The following HSD17B10 variants were observed in gnomAD, a reference collection of about 807,000 sequenced individuals.
The protein encoded by HSD17B10 is 3-hydroxyacyl-CoA dehydrogenase type-2.
For missense variants in HSD17B10, 87 were observed against 219.4 expected (o/e 0.40, Z 3.81); for synonymous variants, 90 against 85.9 (o/e 1.05, Z -0.26).
chrX:53,432,373 T>C lies in HSD17B10; in HGVS notation c.231A>G (p.Leu77=). The change falls in exon 3 of 6, where the codon CTA becomes CTG. Residue 77 remains leucine (L), a synonymous_variant. Transcript: ENST00000168216. ...SEKDVQTALA[L]AKGKFGRVDV... The stretch of plus-strand genomic sequence containing the variant: ...CCACACGGCCAAACTTTCCTTTTGC[T>C]AGAGCCAGAGCTGTTTGCACATCCT... 1.7e-6 allele frequency: 2 copies of C among 1,210,224 alleles called. No homozygotes were observed. Among genetic ancestry groups the C allele is most frequent in the Non-Finnish European group, 1.1e-6 (1 of 894,740 alleles).
intron 1 of HSD17B10, 193 bp downstream of exon 1, chrX:53,434,114 TGATAGATAGATA>T (rs781798782): frequency 1.8e-6 from 1 of 560,118 alleles, no homozygotes; most frequent in African/African-American, 2.3e-5. Context: ...GATAGATGAT[TGATAGATAGATA>T]GATAGACAGA....
At position 53,431,479 on chromosome X, in the gene HSD17B10, T is replaced by C. The variant is rs1556894495; in HGVS notation, c.711A>G (p.Val237=). 4 of 1,210,732 alleles carry C rather than the reference T, an allele frequency of 3.3e-6. No individual in the cohort carries two copies. Among genetic ancestry groups the C allele is most frequent in the Admixed American group, 2.2e-5 (1 of 46,012 alleles). The change falls in exon 6 of 6, where the codon GTA becomes GTG. Residue 237 remains valine (V), a synonymous_variant. Transcript: ENST00000168216. ...GGAATGGGTTCTCGATGATGGCCTGTACGAGGTGAGCATACTCAGCAGGGT... is the reference window on the plus strand; with the variant it reads ...GGAATGGGTTCTCGATGATGGCCTGCACGAGGTGAGCATACTCAGCAGGGT... ...LGDPAEYAHL[V]QAIIENPFLN...
Position 53,432,365 on chromosome X carries a change from C to G in HSD17B10, c.239G>C (p.Gly80Ala), listed in dbSNP as rs781891910. 80 of 1,208,849 alleles carry G rather than the reference C, an allele frequency of 6.6e-5. No individual in the cohort carries two copies. In the Admixed American group the frequency reaches 1.7e-3, roughly 26 times the overall value. ...AGCTACATCCACACGGCCAAACTTT[C>G]CTTTTGCTAGAGCCAGAGCTGTTTG... ...DVQTALALAK[G>A]KFGRVDVAVN... The change falls in exon 3 of 6, where the codon GGA (glycine) becomes GCA (alanine). Residue 80 changes from glycine (G) to alanine (A), a missense_variant. Transcript: ENST00000168216.
rs1556894684 is a variant in HSD17B10 at position 53,432,427 on chromosome X, T to C, written c.193-16A>G. The stretch of plus-strand genomic sequence containing the variant: ...CAGAGGTCACCTTCAAAGAGAGAAG[T>C]GGAGAAGGTATTCATCTCCCAGCAC... On this transcript the variant is annotated splice_polypyrimidine_tract_variant and intron_variant, in intron 2 of 5. Coordinates refer to ENST00000168216, the MANE Select transcript of HSD17B10 (RefSeq NM_004493.3). 8 of 1,190,983 alleles carry C rather than the reference T, an allele frequency of 6.7e-6. No individual in the cohort carries two copies. Among genetic ancestry groups the C allele is most frequent in the Non-Finnish European group, 9.1e-6 (8 of 881,661 alleles).
At chrX:53,431,707 G>C in intron 5 of HSD17B10, 91 bp downstream of exon 5, 1 of 1,015,620 alleles carries the variant, frequency 9.8e-7, no homozygotes, top group Non-Finnish European at 1.4e-6. Context: ...ATAAAAGGCT[G>C]CTGCTGCTTA....
chrX:53,433,767 G>C lies in HSD17B10; in HGVS notation c.147C>G (p.Ala49=), dbSNP rs367982176. Residue 49 remains alanine, a synonymous_variant, in exon 2 of 6, where the codon GCC becomes GCG. Coordinates refer to ENST00000168216, the MANE Select transcript of HSD17B10 (RefSeq NM_004493.3). ...LLDLPNSGGE[A]QAKKLGNNCV... ...AGTTGTTTCCTAACTTCTTGGCTTG[G>C]GCCTCCCCACCCGAGTTGGGCAGGT... is the stretch of plus-strand genomic sequence containing the variant. The C allele has an allele frequency of 3.3e-5, 40 of 1,208,462 alleles. No individual in the cohort carries two copies. The highest frequency in any genetic ancestry group is 4.1e-5 in the Non-Finnish European group (37 of 894,113).
chrX:53,434,121 T>C (rs1033582959), intron 1 of HSD17B10, 198 bp downstream of exon 1: 6 of 560,622 alleles, frequency 1.1e-5, no homozygotes, highest in East Asian at 3.6e-5. Context: ...GATTGATAGA[T>C]AGATAGATAG....
chrX:53,432,640 A>G (rs2075829766), intron 2 of HSD17B10: 1 of 414,596 alleles, frequency 2.4e-6, no homozygotes, highest in Non-Finnish European at 4.3e-6. Context: ...ACTTAAGATC[A>G]GGAGTTTGAG....
rs1556894892 is a variant in HSD17B10 at position 53,433,710 on chromosome X, G to C, written c.192+12C>G. 2 of 1,198,920 alleles carry C rather than the reference G, an allele frequency of 1.7e-6. No individual in the cohort carries two copies. The highest frequency in any genetic ancestry group is 1.8e-5 in the South Asian group (1 of 55,170). On this transcript the variant is annotated intron_variant, in intron 2 of 5. Transcript: ENST00000168216. ...ATGCACACCCTGGGAGAGGAGAGGT[G>C]ACCCCACTTACGTCGGCTGGGGCGA...
Position 53,432,260 on chromosome X carries a change from T to C in HSD17B10, c.344A>G (p.Gln115Arg). ...KGQTHTLEDF[Q>R]RVLDVNLMGT... ...CCAAGGCCTTACATCAAGAACTCGC[T>C]GGAAGTCTTCCAAGGTATGGGTCTG... The change falls in exon 3 of 6, where the codon CAG becomes CGG. Residue 115 changes from glutamine to arginine, a missense_variant. Coordinates refer to ENST00000168216, the MANE Select transcript of HSD17B10 (RefSeq NM_004493.3). The C allele has an allele frequency of 8.3e-7, 1 of 1,210,613 alleles. No homozygotes were observed. Among genetic ancestry groups the C allele is most frequent in the South Asian group, 1.8e-5 (1 of 56,796 alleles).
intron 2 of HSD17B10, 60 bp downstream of exon 2, chrX:53,433,662 C>T (rs2075833797): frequency 1.8e-6 from 2 of 1,096,982 alleles, no homozygotes; most frequent in Non-Finnish European, 2.5e-6. Flanking sequence ...CCCACAGGTT[C>T]CCAGGCCGGT....
chrX:53,432,170 C>A (rs187015851), intron 3 of HSD17B10, 54 bp from the exon 4 acceptor site: 80 of 1,207,973 alleles, frequency 6.6e-5, no homozygotes, highest in Admixed American at 6.4e-4. Context: ...AAGCCTTTGT[C>A]CCCTAAAAAC....
rs2075826762 is a variant in HSD17B10 at position 53,432,012 on chromosome X, G to A, written c.462C>T (p.Ala154=). The A allele has an allele frequency of 1.4e-5, 17 of 1,211,709 alleles. No homozygotes were observed. Among genetic ancestry groups the A allele is most frequent in the Non-Finnish European group, 1.9e-5 (17 of 895,447 alleles). Residue 154 remains alanine (A), a synonymous_variant, in exon 4 of 6, where the codon GCC becomes GCT. Coordinates refer to ENST00000168216, the MANE Select transcript of HSD17B10 (RefSeq NM_004493.3). ...CCTGACCCTCGAAGGCAGCCACACT[G>A]GCAGTGTTGATGATGACCCCACGTT... ...GGQRGVIINT[A]SVAAFEGQVG...
In HSD17B10 at chrX:53,433,725, G is replaced by A; in HGVS notation, c.189C>T (p.Ala63=). 5.0e-6 allele frequency: 6 copies of A among 1,204,007 alleles called. No individual in the cohort carries two copies. The highest frequency in any genetic ancestry group is 6.7e-6 in the Non-Finnish European group (6 of 891,356). ...GAGGAGAGGTGACCCCACTTACGTCGGCTGGGGCGAAAACGCAGTTGTTTC... is the reference window on the plus strand; with the variant it reads ...GAGGAGAGGTGACCCCACTTACGTCAGCTGGGGCGAAAACGCAGTTGTTTC... ...KLGNNCVFAP[A]DVTSEKDVQT... Residue 63 remains alanine, a synonymous_variant, in exon 2 of 6, where the codon GCC becomes GCT. Coordinates refer to ENST00000168216, the MANE Select transcript of HSD17B10 (RefSeq NM_004493.3).
chrX:53,434,304 C>T lies in HSD17B10; in HGVS notation c.27+15G>A. 5.1e-6 allele frequency: 6 copies of T among 1,167,797 alleles called. No homozygotes were observed. Among genetic ancestry groups the T allele is most frequent in the Non-Finnish European group, 5.7e-6 (5 of 872,517 alleles). ...CGTAAAGGAAGGCAAGCAACAGAGG[C>T]AAAGAACCTTCTACCTTCACGCTCC... On this transcript the variant is annotated intron_variant, in intron 1 of 5. Coordinates refer to ENST00000168216, the MANE Select transcript of HSD17B10 (RefSeq NM_004493.3).
At chrX:53,434,297 A>G (rs1242919962) in intron 1 of HSD17B10, 22 bp downstream of exon 1, 6 of 1,166,587 alleles carry the variant, frequency 5.1e-6, no homozygotes, top group Middle Eastern at 2.3e-4. Flanking sequence ...AAGGCAAGCA[A>G]CAGAGGCAAA....
At chrX:53,433,978 AG>A in intron 1 of HSD17B10, 92 bp from the exon 2 acceptor site, 1 of 1,000,157 alleles carries the variant, frequency 1.0e-6, no homozygotes, top group South Asian at 2.0e-5. Flanking sequence ...TCTGAGGAGA[AG>A]GGGGGAGGGG....
At chrX:53,432,533 G>A in intron 2 of HSD17B10, 122 bp from the exon 3 acceptor site, 1 of 603,169 alleles carries the variant, frequency 1.7e-6, no homozygotes, top group Non-Finnish European at 2.7e-6. Flanking sequence ...TGAGAAGGGA[G>A]AGGCCAAGAG....
chrX:53,433,652 C>T, intron 2 of HSD17B10, 70 bp downstream of exon 2: 1 of 1,037,589 alleles, frequency 9.6e-7, no homozygotes, highest in Non-Finnish European at 1.3e-6. Flanking sequence ...GGGAGGGACC[C>T]CCACAGGTTC....
Sources: allele counts gnomAD v4.1 joint callset, GRCh38; gene constraint gnomAD v4.1.1; transcripts MANE v1.5; gene names NCBI Gene and HGNC (gene_info 2026-07-23, HGNC 2026-07-21).